GPR107: variants seen among roughly 807,000 people sequenced by gnomAD.
The protein encoded by GPR107 is protein GPR107.
Under a neutral mutation model 75.5 loss-of-function variants are expected in GPR107, and 31 were observed. That is an observed-to-expected ratio of 0.41 (90% CI 0.31 to 0.55). The LOEUF is 0.55. Among genes scored for constraint, GPR107 ranks in the 20% least tolerant of loss-of-function variants. The probability of loss-of-function intolerance (pLI) is 0.26; values close to 1 mark genes in which losing one functional copy is unlikely to be tolerated. For missense variants in GPR107, 572 were observed against 665.7 expected (o/e 0.86, Z 1.55); for synonymous variants, 267 against 251.3 (o/e 1.06, Z -0.59).
At chr9:130,132,827 A>ATT (rs1238354201) in intron 17 of GPR107, among the ~76,000 whole-genome samples, 37 of 85,502 alleles carry the variant, frequency 4.3e-4, no homozygotes, top group Non-Finnish European at 7.4e-4. Flanking sequence ...ATTTTTATAT[A>ATT]TTTATATATA....
chr9:130,074,192 G>A (rs975113689), intron 1 of GPR107, among the ~76,000 whole-genome samples: 1 of 152,206 alleles, frequency 6.6e-6, no homozygotes, highest in African/African-American at 2.4e-5. Context: ...ATGAATGCAA[G>A]AGTGGGCAGG....
rs1173360847 is a variant in GPR107, at chr9:130,101,098, T to C, written c.1014-8T>C. 2.0e-6 allele frequency: 3 copies of C among 1,531,912 alleles called. No individual in the cohort carries two copies. In the African/African-American group the frequency reaches 4.1e-5, roughly 21 times the overall value. The allele number at this position is 1,531,912 out of a possible 1,614,324, so 94.9% of individuals were successfully genotyped here. ...CTGCTGGTGTCTGTTCCTTGTTTTCTCTTCCAGTTTGAAAGGGGCGCTACT... is the reference window on the plus strand; with the variant it reads ...CTGCTGGTGTCTGTTCCTTGTTTTCCCTTCCAGTTTGAAAGGGGCGCTACT... On this transcript the variant is annotated splice_region_variant and splice_polypyrimidine_tract_variant and intron_variant, in intron 11 of 17. Coordinates refer to ENST00000347136, the MANE Select transcript of GPR107 (RefSeq NM_020960.5).
intron 13 of GPR107, among the ~76,000 whole-genome samples, chr9:130,106,855 C>T (rs138567807): frequency 3.0e-4 from 45 of 152,182 alleles, no homozygotes; most frequent in African/African-American, 1.1e-3. Flanking sequence ...TGCCTGTGCC[C>T]TGTTCAGCCC....
rs1245762697 is a variant in GPR107 at position 130,139,236 on chromosome 9, G to A, written c.*4115G>A. The A allele has an allele frequency of 6.6e-6, 1 of 152,120 alleles. No individual in the cohort carries two copies. Among genetic ancestry groups the A allele is most frequent in the Non-Finnish European group, 1.5e-5 (1 of 68,028 alleles). 9.4% of individuals were successfully genotyped at this position (152,120 alleles called of 1,614,324 possible). On this transcript the variant is annotated 3_prime_UTR_variant, in exon 18 of 18. Coordinates refer to ENST00000347136, the MANE Select transcript of GPR107 (RefSeq NM_020960.5). ...TGAGACTTTGACTTGATGCCTCTTG[G>A]TATATCAAAAAGATATTCATCCAGA...
At chr9:130,086,588 T>C in intron 7 of GPR107, 112 bp downstream of exon 7, 2 of 710,320 alleles carry the variant, frequency 2.8e-6, no homozygotes. Context: ...GTATGCCCTG[T>C]ATCAGTCACT....
chr9:130,120,890 C>T (rs1354772503), intron 14 of GPR107: 5 of 127,954 alleles, frequency 3.9e-5, no homozygotes, highest in African/African-American at 1.5e-4. Context: ...TCCCTTCTCA[C>T]TGCTGCAGTT....
chr9:130,064,649 C>T (rs188497493), intron 1 of GPR107, among the ~76,000 whole-genome samples: 1 of 152,244 alleles, frequency 6.6e-6, no homozygotes, highest in East Asian at 1.9e-4. Context: ...CCCACAAGTT[C>T]ATGTCTGCTT....
intron 9 of GPR107, among the ~76,000 whole-genome samples, chr9:130,095,978 A>G (rs1830858125): frequency 6.6e-6 from 1 of 152,224 alleles, no homozygotes; most frequent in Admixed American, 6.5e-5. Context: ...AACGAGAGCC[A>G]GTGTCACCCA....
At chr9:130,064,406 T>A (rs547609211) in intron 1 of GPR107, among the ~76,000 whole-genome samples, 1 of 149,590 alleles carries the variant, frequency 6.7e-6, no homozygotes, top group Non-Finnish European at 1.5e-5. Context: ...TTCACCTTGT[T>A]AGCCAGGATG....
At chr9:130,116,814 T>C (rs578251724) in intron 14 of GPR107, among the ~76,000 whole-genome samples, 42 of 152,376 alleles carry the variant, frequency 2.8e-4, no homozygotes, top group African/African-American at 8.9e-4. Context: ...CTGTTTCTGC[T>C]GCTTTTGTTG....
Position 130,090,965 on chromosome 9 carries a change from GT to G in GPR107, c.714del (p.Phe238LeufsTer60). ...CLGKELPSDK[F>X]TFSLDIEITE... Reference sequence around the variant, plus strand: ...TTGGAAAAGAATTGCCAAGTGACAAGTTTACATTCAGCCTTGATGTGAGTAC... The same window carrying G: ...TTGGAAAAGAATTGCCAAGTGACAAGTTACATTCAGCCTTGATGTGAGTAC... On this transcript the variant is annotated frameshift_variant, in exon 8 of 18. Transcript: ENST00000347136. LOFTEE classifies it high-confidence loss of function. 1 of 1,469,980 alleles carries G rather than the reference GT, an allele frequency of 6.8e-7. No homozygotes were observed. The highest frequency in any genetic ancestry group is 9.5e-7 in the Non-Finnish European group (1 of 1,050,436). The allele number at this position is 1,469,980 out of a possible 1,614,324, so 91.1% of individuals were successfully genotyped here.
chr9:130,092,087 G>A (rs936987273), intron 8 of GPR107, among the ~76,000 whole-genome samples, 161 bp from the exon 9 acceptor site: 2 of 151,816 alleles, frequency 1.3e-5, no homozygotes, highest in African/African-American at 4.8e-5. Flanking sequence ...TGATCCACCC[G>A]CCTCAGCCTC....
intron 16 of GPR107, 88 bp downstream of exon 16, chr9:130,127,654 C>A: frequency 1.3e-6 from 1 of 758,988 alleles, no homozygotes; most frequent in Non-Finnish European, 2.3e-6. Flanking sequence ...ACTAATTTAT[C>A]TGGGAATGAC....
At chr9:130,088,531 A>G (rs1398186742) in intron 7 of GPR107, among the ~76,000 whole-genome samples, 1 of 152,130 alleles carries the variant, frequency 6.6e-6, no homozygotes, top group African/African-American at 2.4e-5. Context: ...CTTATTATTG[A>G]TGTATATGAA....
At chr9:130,126,634 GCCAT>G (rs1241235127) in intron 15 of GPR107, among the ~76,000 whole-genome samples, 1 of 152,180 alleles carries the variant, frequency 6.6e-6, no homozygotes, top group East Asian at 1.9e-4. Context: ...ATAGGCGTGA[GCCAT>G]CGCGCCCGGC....
intron 1 of GPR107, among the ~76,000 whole-genome samples, chr9:130,061,140 G>T (rs550593149): frequency 6.6e-6 from 1 of 152,094 alleles, no homozygotes; most frequent in Non-Finnish European, 1.5e-5. Context: ...TTATATACCG[G>T]GTGGGCACTT....
At chr9:130,076,526 A>C in intron 3 of GPR107, 64 bp downstream of exon 3, 21 of 978,352 alleles carry the variant, frequency 2.1e-5, no homozygotes, top group Admixed American at 1.3e-4. Flanking sequence ...GAACGGGAAC[A>C]CCCTACTTCT....
chr9:130,087,628 T>G (rs1216792707), intron 7 of GPR107, among the ~76,000 whole-genome samples: 2 of 151,504 alleles, frequency 1.3e-5, no homozygotes, highest in African/African-American at 4.9e-5. Context: ...TGGTGAAACT[T>G]CATCTCTTAA....
Position 130,137,822 on chromosome 9 carries a change from T to A in GPR107, c.*2701T>A, listed in dbSNP as rs2132668032. 6.6e-6 allele frequency: 1 copy of A among 152,368 alleles called. No individual in the cohort carries two copies. Among genetic ancestry groups the A allele is most frequent in the East Asian group, 1.9e-4 (1 of 5,184 alleles). 9.4% of individuals were successfully genotyped at this position (152,368 alleles called of 1,614,324 possible). On this transcript the variant is annotated 3_prime_UTR_variant, in exon 18 of 18. Coordinates refer to ENST00000347136, the MANE Select transcript of GPR107 (RefSeq NM_020960.5). ...TGCGGTGTTTGAATGGTTAAGCCCTTGCAGTATTTCAGATCGGGCAAAAAA... is the reference window on the plus strand; with the variant it reads ...TGCGGTGTTTGAATGGTTAAGCCCTAGCAGTATTTCAGATCGGGCAAAAAA...
Sources: allele counts gnomAD v4.1 joint callset (sites outside exome capture counted in the v4.1 genomes callset), GRCh38; gene constraint gnomAD v4.1.1; transcripts MANE v1.5; gene names NCBI Gene and HGNC (gene_info 2026-07-23, HGNC 2026-07-21).